Variants in SCARA3 observed in about 807,000 individuals in gnomAD.
SCARA3 encodes scavenger receptor class A member 3.
In SCARA3, 39 loss-of-function variants were observed where a neutral mutation model predicts 47.0. That is an observed-to-expected ratio of 0.83 (90% confidence interval 0.64 to 1.08). The LOEUF (loss-of-function observed/expected upper bound fraction) is 1.08, where lower values mean the gene tolerates loss of function less well. Among genes scored for constraint, SCARA3 ranks in the 50% least tolerant of loss-of-function variants. The pLI, the probability that SCARA3 is intolerant of heterozygous loss-of-function variation, is 0.00. For missense variants in SCARA3, 724 were observed against 792.3 expected (o/e 0.91, Z 1.04); for synonymous variants, 356 against 334.1 (o/e 1.07, Z -0.71).
the SCARA3 span, among the ~76,000 whole-genome samples, chr8:27,713,261 T>C: frequency 6.6e-6 from 1 of 152,266 alleles, no homozygotes. Flanking sequence ...GTGTTTGATG[T>C]CTTCTCATTA....
the SCARA3 span, among the ~76,000 whole-genome samples, chr8:27,709,999 G>T: frequency 1.3e-5 from 2 of 152,148 alleles, no homozygotes; most frequent in African/African-American, 4.8e-5. Context: ...GGGAGGCTAA[G>T]GGGGGCGGAT....
At chr8:27,676,710 C>A, downstream of SCARA3, 1 of 647,560 alleles carries the variant, frequency 1.5e-6, no homozygotes, top group Non-Finnish European at 2.8e-6. Context: ...TGCCTTGAGA[C>A]ACTAGCCAAT....
At chr8:27,700,793 G>C in the SCARA3 span, among the ~76,000 whole-genome samples, 2 of 152,158 alleles carry the variant, frequency 1.3e-5, no homozygotes, top group African/African-American at 2.4e-5. Context: ...ACAAAATGTT[G>C]TGAGGATGTG....
At chr8:27,715,984 T>C in the SCARA3 span, among the ~76,000 whole-genome samples, 14 of 152,290 alleles carry the variant, frequency 9.2e-5, no homozygotes, top group Middle Eastern at 3.4e-3. This position sits in a 1 kb window ranked among gnomAD's most constrained non-coding sequence, Gnocchi z 4.2. Context: ...GAAATAAGCA[T>C]GCCTGGCCCT....
the SCARA3 span, among the ~76,000 whole-genome samples, chr8:27,713,506 A>G: frequency 1.3e-5 from 2 of 152,132 alleles, no homozygotes; most frequent in African/African-American, 4.8e-5. Flanking sequence ...CAAGCTGTTC[A>G]TTTACATATT....
chr8:27,713,810 A>G, the SCARA3 span, among the ~76,000 whole-genome samples: 2 of 152,216 alleles, frequency 1.3e-5, no homozygotes, highest in African/African-American at 2.4e-5. Context: ...AGAAACCACA[A>G]TCAGGATGTG....
chr8:27,726,421 A>T, the SCARA3 span, among the ~76,000 whole-genome samples: 1 of 152,156 alleles, frequency 6.6e-6, no homozygotes, highest in Non-Finnish European at 1.5e-5. Flanking sequence ...AACAACAGCC[A>T]GGCGCAGTGG....
chr8:27,704,021 A>G, the SCARA3 span, among the ~76,000 whole-genome samples: 1 of 152,018 alleles, frequency 6.6e-6, no homozygotes, highest in Non-Finnish European at 1.5e-5. Flanking sequence ...AATTAGCTTA[A>G]GGGGAGAGAG....
downstream of SCARA3, chr8:27,676,535 A>G (rs1802280005): frequency 1.9e-6 from 3 of 1,609,438 alleles, no homozygotes; most frequent in Non-Finnish European, 2.5e-6. Flanking sequence ...ACTATTAAAT[A>G]TTAGAACATC....
At chr8:27,667,746 A>C (rs1250020623) in intron 5 of SCARA3, among the ~76,000 whole-genome samples, 1 of 152,180 alleles carries the variant, frequency 6.6e-6, no homozygotes, top group African/African-American at 2.4e-5. Context: ...GCAGGCAGAG[A>C]GTGAGCAGGG....
the SCARA3 span, among the ~76,000 whole-genome samples, chr8:27,732,123 T>A: frequency 6.6e-6 from 1 of 152,194 alleles, no homozygotes; most frequent in African/African-American, 2.4e-5. Context: ...TAAGGCCTCA[T>A]CCAGGCAGGA....
chr8:27,716,803 T>C, the SCARA3 span, among the ~76,000 whole-genome samples: 3 of 152,134 alleles, frequency 2.0e-5, no homozygotes, highest in African/African-American at 7.2e-5. Flanking sequence ...CAGTACAAAA[T>C]GGGATAGAGA....
At chr8:27,707,659 T>C in the SCARA3 span, among the ~76,000 whole-genome samples, 1 of 151,624 alleles carries the variant, frequency 6.6e-6, no homozygotes, top group Non-Finnish European at 1.5e-5. Flanking sequence ...AAAGAAATTA[T>C]CAAATAAATA....
chr8:27,701,230 A>C, the SCARA3 span: 1 of 152,252 alleles, frequency 6.6e-6, no homozygotes, highest in East Asian at 1.9e-4. Flanking sequence ...AAATGAATCT[A>C]TAGTTACAGA....
chr8:27,637,749 T>G (rs545111), intron 1 of SCARA3, among the ~76,000 whole-genome samples: 58,153 of 151,608 alleles, frequency 0.38, 11,602 homozygotes, highest in Middle Eastern at 0.53. Context: ...CCCACTTCAT[T>G]TAGGCAAAGG....
At chr8:27,725,300 G>T in the SCARA3 span, among the ~76,000 whole-genome samples, 39 of 151,964 alleles carry the variant, frequency 2.6e-4, 1 homozygote, top group African/African-American at 9.2e-4. Flanking sequence ...ATTAGGAAAG[G>T]GTGCAAATGG....
intron 3 of SCARA3, among the ~76,000 whole-genome samples, chr8:27,654,151 T>G (rs1801692646): frequency 1.3e-5 from 2 of 152,154 alleles, no homozygotes. Flanking sequence ...GTGAAAGAGA[T>G]GGATGAATAT....
At chr8:27,731,180 G>A in the SCARA3 span, among the ~76,000 whole-genome samples, 1 of 150,496 alleles carries the variant, frequency 6.6e-6, no homozygotes, top group African/African-American at 2.4e-5. Flanking sequence ...GCTCACTGCA[G>A]AATCAAACTC....
the SCARA3 span, among the ~76,000 whole-genome samples, chr8:27,691,656 G>T: frequency 1.3e-5 from 2 of 152,236 alleles, no homozygotes; most frequent in South Asian, 4.1e-4. Flanking sequence ...TGAGGGTTCT[G>T]TTCTTCCTCC....
Sources: allele counts gnomAD v4.1 joint callset (sites outside exome capture counted in the v4.1 genomes callset), GRCh38; gene constraint gnomAD v4.1.1; non-coding constraint Gnocchi (gnomAD v3.1); transcripts MANE v1.5; gene names NCBI Gene and HGNC (gene_info 2026-07-23, HGNC 2026-07-21).